Variants in CHDH observed in about 807,000 individuals in gnomAD.
The protein encoded by CHDH is choline dehydrogenase, mitochondrial.
CHDH carries 43 observed loss-of-function variants against 56.9 expected under a neutral mutation model. The observed-to-expected ratio is 0.76, with a 90% confidence interval of 0.59 to 0.97. The LOEUF (loss-of-function observed/expected upper bound fraction) is 0.97. Ranked by LOEUF, CHDH falls within the 50% of genes least tolerant of loss-of-function variation. CHDH has a pLI of 0.00. For synonymous variants in CHDH, 364 were observed against 348.5 expected (o/e 1.04, Z -0.50); for missense variants, 816 against 821.1 (o/e 0.99, Z 0.08).
intron 1 of CHDH, among the ~76,000 whole-genome samples, chr3:53,844,007 A>G (rs1698764304): frequency 6.6e-6 from 1 of 152,132 alleles, no homozygotes. Flanking sequence ...GCTAGGGGGG[A>G]AAACCCCCGA....
intron 6 of CHDH, 123 bp downstream of exon 6, chr3:53,820,351 G>A (rs2095623811): frequency 1.7e-6 from 2 of 1,207,074 alleles, no homozygotes; most frequent in Non-Finnish European, 2.3e-6. Flanking sequence ...GAGGCTCAGG[G>A]CTAAGGTAAA....
At chr3:53,843,181 CCCCCA>C (rs1698731059) in intron 1 of CHDH, among the ~76,000 whole-genome samples, 1 of 90,498 alleles carries the variant, frequency 1.1e-5, no homozygotes, top group South Asian at 4.9e-4. Flanking sequence ...GGAATTTCCC[CCCCCA>C]CCTTTTTTTT....
intron 3 of CHDH, 142 bp from the exon 4 acceptor site, chr3:53,822,784 G>C (rs919080895): frequency 9.6e-7 from 1 of 1,040,338 alleles, no homozygotes; most frequent in Non-Finnish European, 1.4e-6. Context: ...GAGACGGAAA[G>C]ACCCTGCAAG....
At position 53,823,633 on chromosome 3, in the gene CHDH, G is replaced by A. The variant is rs1279200449; in HGVS notation, c.376C>T (p.Arg126Cys). 6.5e-7 allele frequency: 1 copy of A among 1,543,940 alleles called. No individual in the cohort carries two copies. The highest frequency in any genetic ancestry group is 1.2e-5 in the South Asian group (1 of 83,938). ...DGRVLYWPRG[R>C]VWGGSSSLNA... ...AGGGATGAGGAGCCACCCCAGACGC[G>A]GCCGCGTGGCCAGTACAGCACGCGG... Residue 126 changes from arginine to cysteine, a missense_variant, in exon 3 of 9, where the codon CGC becomes TGC. By Grantham distance (180) the Arg-to-Cys change is radical (BLOSUM62 -3). Transcript: ENST00000315251.
rs752630071 is a variant in CHDH, at chr3:53,820,511, C to T, written c.1083G>A (p.Lys361=). The stretch of plus-strand genomic sequence containing the variant: ...AGAGCCACTCCAGACCAATGCAGAC[C>T]TTCCGCAGGGGCTTCTGTGCTGAAT... ...TLHSAQKPLR[K]VCIGLEWLWK... is the part of the protein sequence containing the mutation. The change falls in exon 6 of 9, where the codon AAG becomes AAA. Residue 361 remains lysine, a synonymous_variant. Coordinates refer to ENST00000315251, the MANE Select transcript of CHDH (RefSeq NM_018397.5). The T allele has an allele frequency of 1.2e-5, 20 of 1,613,890 alleles. No individual in the cohort carries two copies. Among genetic ancestry groups the T allele is most frequent in the Non-Finnish European group, 1.7e-5 (20 of 1,179,934 alleles).
Position 53,822,623 on chromosome 3 carries a change from G to A in CHDH, c.723C>T (p.Ala241=). ...TCAGTGCTGGGTGCAGGTAGGCACAGGCCGCGCTCCACCGTTTGCCTGCAG... is the reference window on the plus strand; with the variant it reads ...TCAGTGCTGGGTGCAGGTAGGCACAAGCCGCGCTCCACCGTTTGCCTGCAG... ...TIHEGKRWSA[A]CAYLHPALSR... is the part of the protein sequence containing the mutation. Residue 241 remains alanine, a synonymous_variant, in exon 4 of 9, where the codon GCC becomes GCT. Transcript: ENST00000315251. The A allele has an allele frequency of 1.9e-6, 3 of 1,610,702 alleles. No individual in the cohort carries two copies. Among genetic ancestry groups the A allele is most frequent in the East Asian group, 2.2e-5 (1 of 44,864 alleles).
chr3:53,819,810 T>C lies in CHDH; in HGVS notation c.1121-136A>G. 2.8e-6 allele frequency: 3 copies of C among 1,053,856 alleles called. No individual in the cohort carries two copies. Among genetic ancestry groups the C allele is most frequent in the Non-Finnish European group, 1.3e-6 (1 of 748,994 alleles). 65.3% of individuals were successfully genotyped at this position (1,053,856 alleles called of 1,614,324 possible). ...CTCCACTCTAGTGCCTGGACCCAAG[T>C]CCTGTCCACATCTGTTCACCCCTCA... On this transcript the variant is annotated intron_variant, in intron 6 of 8. Transcript: ENST00000315251. The surrounding 1 kb of genome is among the most constrained non-coding windows in gnomAD (Gnocchi z 5.4).
At chr3:53,822,228 G>A (rs561495156) in intron 4 of CHDH, among the ~76,000 whole-genome samples, 2 of 152,176 alleles carry the variant, frequency 1.3e-5, no homozygotes, top group East Asian at 3.9e-4. Flanking sequence ...CCTTGAAATG[G>A]TGTGGAAGGT....
chr3:53,838,440 G>A (rs926559682), intron 2 of CHDH, among the ~76,000 whole-genome samples: 1 of 152,232 alleles, frequency 6.6e-6, no homozygotes, highest in Non-Finnish European at 1.5e-5. Flanking sequence ...GTGCCTGGGT[G>A]AGTGGCATCT....
chr3:53,817,916 G>C lies in CHDH; in HGVS notation c.1646C>G (p.Pro549Arg). 6.2e-7 allele frequency: 1 copy of C among 1,614,226 alleles called. No homozygotes were observed. The highest frequency in any genetic ancestry group is 2.2e-5 in the East Asian group (1 of 44,870). ...GTTCAGGTTGCCGCTGACCATGCTA[G>C]GCATGATGGAGGCATCGACGACCCT... ...NLRVVDASIM[P>R]SMVSGNLNAP... The change falls in exon 9 of 9, where the codon CCT becomes CGT. Residue 549 changes from proline (P) to arginine (R), a missense_variant. Transcript: ENST00000315251.
Position 53,823,792 on chromosome 3 carries a change from C to A in CHDH, c.217G>T (p.Gly73Trp), listed in dbSNP as rs745530620. ...CTCCCCGCGAGCACGTCCTTGGGCC[C>A]GGCCTCCAGCAGCAGCACGCGCTCG... Reference protein sequence around the residue: ...PAERVLLLEAGPKDVLAGSKR... With the variant: ...PAERVLLLEAWPKDVLAGSKR... Residue 73 changes from glycine (G) to tryptophan (W), a missense_variant, in exon 3 of 9, where the codon GGG becomes TGG. Coordinates refer to ENST00000315251, the MANE Select transcript of CHDH (RefSeq NM_018397.5). 2 of 1,576,554 alleles carry A rather than the reference C, an allele frequency of 1.3e-6. No individual in the cohort carries two copies. Among genetic ancestry groups the A allele is most frequent in the Admixed American group, 1.8e-5 (1 of 55,528 alleles).
chr3:53,818,079 C>T lies in CHDH; in HGVS notation c.1483G>A (p.Asp495Asn), dbSNP rs768360390. 2 of 1,614,200 alleles carry T rather than the reference C, an allele frequency of 1.2e-6. No homozygotes were observed. The highest frequency in any genetic ancestry group is 1.3e-5 in the African/African-American group (1 of 75,068). ...CGCACAAAGGCATCTATCTCTTTAT[C>T]TGACTGAATGTGGCTTCCTGGCTGG... is the stretch of plus-strand genomic sequence containing the variant. The part of the protein sequence containing the change: ...ELQPGSHIQS[D>N]KEIDAFVRAK... The change falls in exon 9 of 9, where the codon GAT becomes AAT. Residue 495 changes from aspartate to asparagine, a missense_variant. Coordinates refer to ENST00000315251, the MANE Select transcript of CHDH (RefSeq NM_018397.5).
rs2095633205 is a variant in CHDH at position 53,823,731 on chromosome 3, G to A, written c.278C>T (p.Ala93Val). ...RLSWKIHMPA[A>V]LVANLCDDRY... ...GTCGTCGCACAGGTTGGCCACCAGG[G>A]CCGCGGGCATGTGGATCTTCCACGA... Residue 93 changes from alanine (A) to valine (V), a missense_variant, in exon 3 of 9, where the codon GCC becomes GTC. Coordinates refer to ENST00000315251, the MANE Select transcript of CHDH (RefSeq NM_018397.5). 1 of 1,553,100 alleles carries A rather than the reference G, an allele frequency of 6.4e-7. No individual in the cohort carries two copies. The highest frequency in any genetic ancestry group is 2.4e-5 in the East Asian group (1 of 41,154).
Position 53,823,353 on chromosome 3 carries a change from C to A in CHDH, c.656G>T (p.Gly219Val). Reference sequence around the variant, plus strand: ...CCAGCCGAAGCCCTCCTGCTGGAAGCCATTCATGTCCTCGGTGAGCGGGTA... The same window carrying A: ...CCAGCCGAAGCCCTCCTGCTGGAAGACATTCATGTCCTCGGTGAGCGGGTA... ...AGYPLTEDMNGFQQEGFGWMD... is the reference protein window; with the variant it reads ...AGYPLTEDMNVFQQEGFGWMD... The change falls in exon 3 of 9, where the codon GGC (glycine) becomes GTC (valine). Residue 219 changes from glycine (G) to valine (V), a missense_variant. By Grantham distance (109) the Gly-to-Val change is moderately radical (BLOSUM62 -3). Transcript: ENST00000315251. The A allele has an allele frequency of 6.2e-7, 1 of 1,600,456 alleles. No homozygotes were observed. Among genetic ancestry groups the A allele is most frequent in the Non-Finnish European group, 8.5e-7 (1 of 1,172,920 alleles).
chr3:53,821,516 C>T (rs1019194688), intron 5 of CHDH, 131 bp downstream of exon 5: 24 of 808,554 alleles, frequency 3.0e-5, no homozygotes, highest in Non-Finnish European at 4.4e-5. Context: ...TTCGGGCTCT[C>T]GGGGACAATG....
intron 1 of CHDH, among the ~76,000 whole-genome samples, chr3:53,841,929 T>A (rs536540225): frequency 1.3e-5 from 2 of 152,296 alleles, no homozygotes; most frequent in South Asian, 4.1e-4. Flanking sequence ...GGAGGATTGC[T>A]TGAGGCCAGA....
At chr3:53,820,010 C>T (rs1576777550) in intron 6 of CHDH, among the ~76,000 whole-genome samples, 1 of 152,244 alleles carries the variant, frequency 6.6e-6, no homozygotes, top group Non-Finnish European at 1.5e-5. Context: ...GAAATACAGA[C>T]TGAGTGGATG....
chr3:53,827,207 C>T (rs1265967793), intron 2 of CHDH, among the ~76,000 whole-genome samples: 2 of 152,112 alleles, frequency 1.3e-5, no homozygotes, highest in Non-Finnish European at 2.9e-5. Context: ...GGCAGGCTTC[C>T]CTCTTGCTGT....
intron 3 of CHDH, among the ~76,000 whole-genome samples, 154 bp downstream of exon 3, chr3:53,823,152 T>C (rs529988014): frequency 6.6e-6 from 1 of 152,136 alleles, no homozygotes; most frequent in East Asian, 1.9e-4. Flanking sequence ...CTTGGAGGGG[T>C]ATACTAAGCC....
Sources: allele counts gnomAD v4.1 joint callset (sites outside exome capture counted in the v4.1 genomes callset), GRCh38; gene constraint gnomAD v4.1.1; non-coding constraint Gnocchi (gnomAD v3.1); transcripts MANE v1.5; gene names NCBI Gene and HGNC (gene_info 2026-07-23, HGNC 2026-07-21).